Variants in EFCAB6 observed in about 807,000 individuals in gnomAD.
EFCAB6 encodes the protein EF-hand calcium binding domain 6.
A neutral mutation model predicts 169.8 loss-of-function variants in EFCAB6; 156 were observed. That is an observed-to-expected ratio of 0.92 (90% confidence interval 0.81 to 1.05). EFCAB6 has a LOEUF of 1.05. EFCAB6 is among the 50% of genes least tolerant of loss of function. The pLI, the probability that EFCAB6 is intolerant of heterozygous loss-of-function variation, is 0.00. For missense variants in EFCAB6, 1,800 were observed against 1,829.1 expected (o/e 0.98, Z 0.29); for synonymous variants, 698 against 676.4 (o/e 1.03, Z -0.50).
At chr22:43,655,672 G>A (rs923478151) in intron 17 of EFCAB6, among the ~76,000 whole-genome samples, 2 of 152,168 alleles carry the variant, frequency 1.3e-5, no homozygotes, top group East Asian at 1.9e-4. Context: ...TGTATAGAAC[G>A]GACCGAATAC....
intron 6 of EFCAB6, among the ~76,000 whole-genome samples, chr22:43,754,090 T>A (rs2060869252): frequency 6.6e-6 from 1 of 152,166 alleles, no homozygotes; most frequent in Non-Finnish European, 1.5e-5. Context: ...ATTTGTTCTC[T>A]TTATTTGGAG....
At chr22:43,785,527 T>C (rs1328893862) in intron 2 of EFCAB6, among the ~76,000 whole-genome samples, 1 of 151,644 alleles carries the variant, frequency 6.6e-6, no homozygotes, top group Non-Finnish European at 1.5e-5. Flanking sequence ...TAGATGAAAA[T>C]TTGTAGATGT....
In EFCAB6 at chr22:43,555,109, G is replaced by C; in HGVS notation, c.3421-13C>G. ...ACTCATCAGCTGTCTGGACAAAATAGAATGGAAATTGATCCATGTGAGAAA... is the reference window on the plus strand; with the variant it reads ...ACTCATCAGCTGTCTGGACAAAATACAATGGAAATTGATCCATGTGAGAAA... On this transcript the variant is annotated splice_polypyrimidine_tract_variant and intron_variant, in intron 26 of 31. Transcript: ENST00000262726. The C allele has an allele frequency of 6.2e-7, 1 of 1,613,740 alleles. No individual in the cohort carries two copies. The highest frequency in any genetic ancestry group is 8.5e-7 in the Non-Finnish European group (1 of 1,179,704).
intron 19 of EFCAB6, among the ~76,000 whole-genome samples, chr22:43,629,408 T>C (rs12106603): frequency 0.024 from 3,588 of 152,252 alleles, 125 homozygotes; most frequent in African/African-American, 0.08. Flanking sequence ...TTAAACCTAC[T>C]TGACAGGGTG....
chr22:43,561,125 A>G (rs137165), intron 26 of EFCAB6, among the ~76,000 whole-genome samples: 113,925 of 151,948 alleles, frequency 0.75, 42,821 homozygotes, highest in Admixed American at 0.81. Context: ...TTGGGAGGCC[A>G]AGGTGGGTGG....
rs1387635947 is a variant in EFCAB6, at chr22:43,555,103, A to G, written c.3421-7T>C. 1 of 1,614,042 alleles carries G rather than the reference A, an allele frequency of 6.2e-7. No homozygotes were observed. Among genetic ancestry groups the G allele is most frequent in the Admixed American group, 1.7e-5 (1 of 60,028 alleles). On this transcript the variant is annotated splice_polypyrimidine_tract_variant and splice_region_variant and intron_variant, in intron 26 of 31. Transcript: ENST00000262726. ...CAGCCCACTCATCAGCTGTCTGGAC[A>G]AAATAGAATGGAAATTGATCCATGT...
chr22:43,619,066 A>G (rs578066928), intron 20 of EFCAB6, among the ~76,000 whole-genome samples: 2 of 152,272 alleles, frequency 1.3e-5, no homozygotes, highest in Non-Finnish European at 2.9e-5. Context: ...GATCATAGAG[A>G]AGAGAGAGCT....
intron 20 of EFCAB6, among the ~76,000 whole-genome samples, chr22:43,618,601 T>A (rs56197344): frequency 6.6e-6 from 1 of 152,126 alleles, no homozygotes; most frequent in Non-Finnish European, 1.5e-5. Context: ...TGTTCCCAGC[T>A]TAAGAGTCAA....
intron 6 of EFCAB6, among the ~76,000 whole-genome samples, chr22:43,747,320 C>G (rs1046135070): frequency 5.9e-5 from 9 of 152,236 alleles, no homozygotes; most frequent in Non-Finnish European, 1.2e-4. Flanking sequence ...GATTTCTATA[C>G]AGCAGCCTCC....
At chr22:43,733,721 T>C (rs949083252) in intron 7 of EFCAB6, among the ~76,000 whole-genome samples, 1 of 152,142 alleles carries the variant, frequency 6.6e-6, no homozygotes, top group South Asian at 2.1e-4. Context: ...CCCCCCTTTT[T>C]TTCTTTAAGA....
chr22:43,599,373 G>A (rs142471696), intron 23 of EFCAB6, among the ~76,000 whole-genome samples: 2 of 151,844 alleles, frequency 1.3e-5, no homozygotes, highest in Admixed American at 1.3e-4. Flanking sequence ...AGCTGGTCGT[G>A]GTGGCGTGTG....
intron 10 of EFCAB6, among the ~76,000 whole-genome samples, chr22:43,688,506 G>T (rs1322804239): frequency 1.3e-5 from 2 of 152,238 alleles, no homozygotes; most frequent in Non-Finnish European, 2.9e-5. Flanking sequence ...TAAGATTCCT[G>T]TGGGAGCAAC....
Position 43,565,574 on chromosome 22 carries a change from C to A in EFCAB6, c.3421-10478G>T, listed in dbSNP as rs535753925. On this transcript the variant is annotated intron_variant, in intron 26 of 31. Coordinates refer to ENST00000262726, the MANE Select transcript of EFCAB6 (RefSeq NM_022785.4). ...AAGATGGCGGTCACCCACCCTAGAA[C>A]AACAGGTTGTGACAAAGTGGTTAGC... Among the ~76,000 whole-genome samples, 11 of 152,288 alleles carry A rather than the reference C, an allele frequency of 7.2e-5. No individual in the cohort carries two copies. The East Asian group carries it at 2.1e-3, about 29-fold the overall frequency.
At chr22:43,603,665 C>G (rs1444005261) in intron 22 of EFCAB6, among the ~76,000 whole-genome samples, 1 of 152,252 alleles carries the variant, frequency 6.6e-6, no homozygotes, top group East Asian at 1.9e-4. Flanking sequence ...CCTAGAGTTA[C>G]AGGGCAGAAT....
chr22:43,709,373 C>T (rs546230797), intron 10 of EFCAB6, among the ~76,000 whole-genome samples: 3 of 152,244 alleles, frequency 2.0e-5, no homozygotes, highest in South Asian at 2.1e-4. Context: ...TGAACCACTG[C>T]GCCCGGCCTT....
intron 17 of EFCAB6, among the ~76,000 whole-genome samples, chr22:43,635,592 A>C (rs893440585): frequency 3.9e-5 from 6 of 152,212 alleles, no homozygotes; most frequent in Admixed American, 1.3e-4. Context: ...AAAACAAAAT[A>C]AAGCAAGCAA....
At chr22:43,565,137 G>A (rs1555926020) in intron 26 of EFCAB6, among the ~76,000 whole-genome samples, 1 of 152,222 alleles carries the variant, frequency 6.6e-6, no homozygotes, top group Non-Finnish European at 1.5e-5. Flanking sequence ...TGTGATGGAA[G>A]GATGAAGGAG....
At chr22:43,631,253 G>T (rs1170778761) in intron 19 of EFCAB6, among the ~76,000 whole-genome samples, 2 of 151,792 alleles carry the variant, frequency 1.3e-5, no homozygotes, top group Non-Finnish European at 2.9e-5. Flanking sequence ...CTGTCTCGGG[G>T]TTCGCCTTAT....
chr22:43,802,994 C>T (rs574003640), intron 2 of EFCAB6, among the ~76,000 whole-genome samples: 1 of 152,308 alleles, frequency 6.6e-6, no homozygotes, highest in South Asian at 2.1e-4. Context: ...TGAGAGACTT[C>T]CTCTTGGCTC....
Sources: allele counts gnomAD v4.1 joint callset (sites outside exome capture counted in the v4.1 genomes callset), GRCh38; gene constraint gnomAD v4.1.1; transcripts MANE v1.5; gene names NCBI Gene and HGNC (gene_info 2026-07-23, HGNC 2026-07-21).